RAB27B: variants seen among roughly 807,000 people sequenced by gnomAD.
The protein encoded by RAB27B is RAB27B, member RAS oncogene family.
RAB27B carries 15 observed loss-of-function variants against 24.6 expected under a neutral mutation model. The observed-to-expected ratio is 0.61, with a 90% CI of 0.41 to 0.94. The LOEUF (loss-of-function observed/expected upper bound fraction) is 0.94. RAB27B is among the 40% of genes least tolerant of loss of function. The pLI, the probability that RAB27B is intolerant of heterozygous loss-of-function variation, is 0.00. For missense variants in RAB27B, 261 were observed against 266.8 expected, an observed-to-expected ratio of 0.98 and a Z score of 0.15; for synonymous variants, 105 against 92.5, an observed-to-expected ratio of 1.14 and a Z score of -0.78.
At chr18:54,884,251 C>T in intron 3 of RAB27B, 82 bp from the exon 4 acceptor site, 1 of 850,358 alleles carries the variant, frequency 1.2e-6, no homozygotes. Flanking sequence ...GAATTCATAC[C>T]TGAAAGGGAA....
chr18:54,852,262 C>G (rs148221357), intron 1 of RAB27B, among the ~76,000 whole-genome samples: 6 of 152,216 alleles, frequency 3.9e-5, no homozygotes, highest in South Asian at 2.1e-4. Flanking sequence ...CTGGATGACC[C>G]TACAAATCCC....
At chr18:54,745,837 T>C (rs1409612738) in intron 2 of RAB27B, among the ~76,000 whole-genome samples, 1 of 146,586 alleles carries the variant, frequency 6.8e-6, no homozygotes, top group Non-Finnish European at 1.5e-5. Context: ...TTTATTATAT[T>C]ATATATTATT....
intron 2 of RAB27B, among the ~76,000 whole-genome samples, chr18:54,804,326 A>G (rs1285399728): frequency 6.6e-6 from 1 of 152,148 alleles, no homozygotes; most frequent in African/African-American, 2.4e-5. Flanking sequence ...GGGGCAGGTA[A>G]TTGAATCATG....
chr18:54,774,671 GA>G (rs1401542928), intron 2 of RAB27B, among the ~76,000 whole-genome samples: 2 of 152,198 alleles, frequency 1.3e-5, no homozygotes, highest in Non-Finnish European at 2.9e-5. Context: ...TTACAATCCA[GA>G]GAGGTCAAGA....
chr18:54,728,903 C>CAAACAAAAAAAAAA (rs1909634671), intron 2 of RAB27B, among the ~76,000 whole-genome samples: 1 of 68,254 alleles, frequency 1.5e-5, no homozygotes, highest in Non-Finnish European at 2.5e-5. Context: ...AAAAAAAACC[C>CAAACAAAAAAAAAA]AAAAAAAAAA....
chr18:54,727,280 T>TTA (rs754983015), intron 2 of RAB27B, among the ~76,000 whole-genome samples: 88 of 151,540 alleles, frequency 5.8e-4, no homozygotes, highest in Middle Eastern at 3.4e-3. Context: ...AGCCCAGAAT[T>TTA]TATATATATA....
chr18:54,752,427 G>A (rs1008139313), intron 2 of RAB27B, among the ~76,000 whole-genome samples: 4 of 152,190 alleles, frequency 2.6e-5, no homozygotes, highest in African/African-American at 7.2e-5. Flanking sequence ...TGATTCTCAT[G>A]TGCAAACAAG....
chr18:54,855,452 G>T (rs1911745711), intron 1 of RAB27B, among the ~76,000 whole-genome samples: 1 of 152,144 alleles, frequency 6.6e-6, no homozygotes, highest in Non-Finnish European at 1.5e-5. Flanking sequence ...TATCATCAAA[G>T]GGTGGTGTCC....
chr18:54,868,771 C>T (rs993461412), intron 1 of RAB27B, among the ~76,000 whole-genome samples: 3 of 152,108 alleles, frequency 2.0e-5, no homozygotes, highest in Non-Finnish European at 2.9e-5. Context: ...AGATTACAGA[C>T]GTGTGCCACC....
intron 1 of RAB27B, among the ~76,000 whole-genome samples, chr18:54,846,611 T>C (rs1396967814): frequency 6.6e-6 from 1 of 152,100 alleles, no homozygotes; most frequent in African/African-American, 2.4e-5. Flanking sequence ...CCTACCACAT[T>C]TGAGCCAAAA....
At chr18:54,874,567 A>AG (rs1001371592) in intron 1 of RAB27B, among the ~76,000 whole-genome samples, 1 of 151,534 alleles carries the variant, frequency 6.6e-6, no homozygotes, top group African/African-American at 2.4e-5. Context: ...TTTGCTAAAA[A>AG]AAAAAAAAAA....
intron 2 of RAB27B, among the ~76,000 whole-genome samples, chr18:54,798,116 CT>C (rs1909483762): frequency 6.6e-6 from 1 of 152,104 alleles, no homozygotes; most frequent in Non-Finnish European, 1.5e-5. Context: ...GATCTATTCT[CT>C]TTCCTATTAA....
chr18:54,800,747 C>A (rs973222442), intron 2 of RAB27B, among the ~76,000 whole-genome samples: 1 of 152,088 alleles, frequency 6.6e-6, no homozygotes, highest in African/African-American at 2.4e-5. Context: ...TGTAAATTAG[C>A]CTCTTGTTTA....
At chr18:54,867,445 T>TTCTTTTC (rs67270276) in intron 1 of RAB27B, among the ~76,000 whole-genome samples, 10 of 122,540 alleles carry the variant, frequency 8.2e-5, no homozygotes, top group East Asian at 7.2e-4. Flanking sequence ...TTCTTTTCTT[T>TTCTTTTC]TTTTTTTTTT....
chr18:54,781,119 C>T (rs949357490), intron 2 of RAB27B, among the ~76,000 whole-genome samples: 6 of 152,142 alleles, frequency 3.9e-5, no homozygotes, highest in Admixed American at 3.9e-4. Flanking sequence ...GACAGCCCAA[C>T]TGGCCAGCTA....
intron 2 of RAB27B, among the ~76,000 whole-genome samples, chr18:54,813,269 T>C (rs1910023449): frequency 1.3e-5 from 2 of 152,252 alleles, no homozygotes; most frequent in African/African-American, 2.4e-5. Context: ...TGTAGTCTGC[T>C]GTGCCATGTA....
chr18:54,737,606 C>G (rs1348137556), intron 2 of RAB27B, among the ~76,000 whole-genome samples: 1 of 152,072 alleles, frequency 6.6e-6, no homozygotes. Flanking sequence ...ACAAAATAAT[C>G]TTTGTATTTC....
At chr18:54,719,297 G>A (rs10871699) in intron 2 of RAB27B, among the ~76,000 whole-genome samples, 66,580 of 151,872 alleles carry the variant, frequency 0.44, 16,852 homozygotes, top group Middle Eastern at 0.58. Context: ...TTTTGAAAAT[G>A]TATCTATAGT....
intron 2 of RAB27B, among the ~76,000 whole-genome samples, chr18:54,718,365 TG>T (rs1177045203): frequency 3.9e-5 from 6 of 152,144 alleles, no homozygotes; most frequent in African/African-American, 1.4e-4. Context: ...CAAGAGAAGC[TG>T]GGTTTGCAAC....
Sources: gnomAD v4.1 joint callset for allele counts (sites outside exome capture counted in the v4.1 genomes callset) on GRCh38, gnomAD v4.1.1 for gene constraint, MANE v1.5 for transcripts, NCBI Gene and HGNC (gene_info 2026-07-23, HGNC 2026-07-21) for gene names.